Variants in LAMA3 observed in about 807,000 individuals in gnomAD.
LAMA3 encodes laminin subunit alpha-3.
A neutral mutation model predicts 402.0 loss-of-function variants in LAMA3; 281 were observed. The ratio of observed to expected loss-of-function variants is 0.70; its 90% confidence interval spans 0.63 to 0.77. The LOEUF is 0.77. Among genes scored for constraint, LAMA3 ranks in the 30% least tolerant of loss-of-function variants. The probability of loss-of-function intolerance (pLI) is 0.00; values close to 1 mark genes in which losing one functional copy is unlikely to be tolerated. For missense variants in LAMA3, 3,840 were observed against 4,215.5 expected (o/e 0.91, Z 2.47); for synonymous variants, 1,431 against 1,558.4 (o/e 0.92, Z 1.93).
intron 35 of LAMA3, 115 bp downstream of exon 35, chr18:23,861,922 C>G: frequency 8.4e-7 from 1 of 1,187,146 alleles, no homozygotes; most frequent in Non-Finnish European, 1.2e-6. Context: ...TACTAACGTT[C>G]CAGAAATGAG....
intron 23 of LAMA3, among the ~76,000 whole-genome samples, chr18:23,829,649 AG>A (rs2063455705): frequency 6.6e-6 from 1 of 152,208 alleles, no homozygotes. Flanking sequence ...TTATATATTT[AG>A]GGGTACAAGT....
At chr18:23,871,697 G>A (rs1431606968) in intron 38 of LAMA3, 36 bp downstream of exon 38, 3 of 1,536,182 alleles carry the variant, frequency 2.0e-6, no homozygotes, top group Non-Finnish European at 2.7e-6. Flanking sequence ...TTTCCCTAGG[G>A]AGCTCCTGTG....
At chr18:23,817,233 A>G (rs1401392086) in intron 18 of LAMA3, among the ~76,000 whole-genome samples, 1 of 152,216 alleles carries the variant, frequency 6.6e-6, no homozygotes, top group Admixed American at 6.5e-5. Flanking sequence ...CTCTTAAGCC[A>G]TTATATTTTA....
chr18:23,828,444 TCTAATA>T (rs1179892792), intron 23 of LAMA3, among the ~76,000 whole-genome samples: 3 of 152,216 alleles, frequency 2.0e-5, no homozygotes, highest in African/African-American at 7.2e-5. Context: ...TCTACTTCAT[TCTAATA>T]CTAAGTTTGC....
chr18:23,767,139 C>T (rs1365659403), intron 8 of LAMA3, among the ~76,000 whole-genome samples: 1 of 151,972 alleles, frequency 6.6e-6, no homozygotes, highest in Non-Finnish European at 1.5e-5. Context: ...AAAAAAAGCC[C>T]AAATCTAGGA....
chr18:23,831,438 G>A (rs907100218), intron 23 of LAMA3, among the ~76,000 whole-genome samples: 6 of 151,866 alleles, frequency 4.0e-5, no homozygotes, highest in African/African-American at 1.5e-4. Flanking sequence ...ACTGCAAGCC[G>A]TTCCCTCTAC....
At chr18:23,872,362 G>C (rs2064551462) in intron 38 of LAMA3, among the ~76,000 whole-genome samples, 1 of 152,178 alleles carries the variant, frequency 6.6e-6, no homozygotes, top group Non-Finnish European at 1.5e-5. Context: ...GCCATAAAAT[G>C]AAACTGTTTA....
In LAMA3 at chr18:23,907,896, G is replaced by C. The variant is rs148831718; in HGVS notation, c.6976G>C (p.Glu2326Gln). The change falls in exon 54 of 75, where the codon GAA (glutamate) becomes CAA (glutamine). Residue 2326 changes from glutamate (E) to glutamine (Q), a missense_variant. Glu to Gln is a conservative substitution (Grantham distance 29). Around this residue, in one of 3 missense-constraint regions of LAMA3, gnomAD observed 891 missense variants for 857.5 expected, o/e 1.04. Coordinates refer to ENST00000313654, the MANE Select transcript of LAMA3 (RefSeq NM_198129.4). ...GGACACCTATGGGAGGACACAGAAC[G>C]AAGACTTCAAAAAGGCTCTGACTGA... ...IKDTYGRTQN[E>Q]DFKKALTDAD... 1.2e-6 allele frequency: 2 copies of C among 1,613,988 alleles called. No individual in the cohort carries two copies. Among genetic ancestry groups the C allele is most frequent in the Admixed American group, 1.7e-5 (1 of 60,022 alleles).
intron 32 of LAMA3, 57 bp downstream of exon 32, chr18:23,847,725 C>A: frequency 3.9e-6 from 6 of 1,522,716 alleles, no homozygotes; most frequent in Non-Finnish European, 5.4e-6. Flanking sequence ...GTGCCATCTG[C>A]CCACACACTG....
chr18:23,843,086 C>T (rs1172835342), intron 29 of LAMA3, among the ~76,000 whole-genome samples: 3 of 152,278 alleles, frequency 2.0e-5, no homozygotes, highest in East Asian at 3.9e-4. Context: ...CTTTCTCTAG[C>T]GCTCCTTGGG....
At chr18:23,889,702 GAGGA>G (rs1395922446) in intron 41 of LAMA3, among the ~76,000 whole-genome samples, 17 of 35,900 alleles carry the variant, frequency 4.7e-4, no homozygotes, top group South Asian at 2.1e-3. Context: ...GGAAGGGAGG[GAGGA>G]AGGGAGGAAG....
rs564666757 is a variant in LAMA3 at position 23,879,846 on chromosome 18, T to C, written c.5113-2090T>C. ...TTCCTTGATCCTCTCCTCTCACCCCTGTGAAGGACCAGTACTCAGAGTGAT... is the reference window on the plus strand; with the variant it reads ...TTCCTTGATCCTCTCCTCTCACCCCCGTGAAGGACCAGTACTCAGAGTGAT... On this transcript the variant is annotated intron_variant, in intron 39 of 74. Coordinates refer to ENST00000313654, the MANE Select transcript of LAMA3 (RefSeq NM_198129.4). This position sits in a 1 kb window ranked among gnomAD's most constrained non-coding sequence, Gnocchi z 4.2. Among the ~76,000 whole-genome samples the C allele has an allele frequency of 1.1e-3, 173 of 152,322 alleles. 1 individual carries two copies. Among genetic ancestry groups the C allele is most frequent in the Non-Finnish European group, 2.1e-3 (142 of 68,022 alleles).
chr18:23,905,680 G>C (rs183914294), intron 52 of LAMA3, 56 bp downstream of exon 52: 1 of 961,152 alleles, frequency 1.0e-6, no homozygotes, highest in East Asian at 2.4e-5. Context: ...ATGACCTCTG[G>C]GACCAGGTGG....
rs748629605 is a variant in LAMA3, at chr18:23,777,614, T to C, written c.1463T>C (p.Ile488Thr). The C allele has an allele frequency of 2.5e-6, 4 of 1,609,368 alleles. No homozygotes were observed. Among genetic ancestry groups the C allele is most frequent in the Non-Finnish European group, 3.4e-6 (4 of 1,175,634 alleles). The change falls in exon 11 of 75, where the codon ATA becomes ACA. Residue 488 changes from isoleucine (I) to threonine (T), a missense_variant. Physicochemically the swap from Ile to Thr is moderately conservative, Grantham distance 89. Coordinates refer to ENST00000313654, the MANE Select transcript of LAMA3 (RefSeq NM_198129.4). ...PSSEDPVAGD[I>T]KGCDCNLEGV... ...TCAGAAGATCCAGTAGCTGGAGATA[T>C]AAAAGGCAAGTAACCTCCCTTTTGG...
At chr18:23,838,121 A>G (rs1186216997) in intron 25 of LAMA3, among the ~76,000 whole-genome samples, 3 of 152,128 alleles carry the variant, frequency 2.0e-5, no homozygotes, top group Non-Finnish European at 4.4e-5. Flanking sequence ...GGTGTTGTCC[A>G]TCTTGGACTT....
At chr18:23,933,974 T>C in intron 67 of LAMA3, 39 bp downstream of exon 67, 2 of 1,601,802 alleles carry the variant, frequency 1.2e-6, no homozygotes, top group South Asian at 1.1e-5. Flanking sequence ...CCCTCTTCCC[T>C]GGAGGATTCC....
chr18:23,883,973 T>C (rs1334538204), intron 40 of LAMA3, among the ~76,000 whole-genome samples: 7 of 152,032 alleles, frequency 4.6e-5, no homozygotes, highest in Non-Finnish European at 1.0e-4. Context: ...TACCAGCAAA[T>C]GGAGTGATAT....
Position 23,851,779 on chromosome 18 carries a change from A to G in LAMA3, c.4136+4111A>G, listed in dbSNP as rs903824395. On this transcript the variant is annotated intron_variant, in intron 32 of 74. Coordinates refer to ENST00000313654, the MANE Select transcript of LAMA3 (RefSeq NM_198129.4). Reference sequence around the variant, plus strand: ...AAATCGACTCAACCTGGGTTCTCTTATTGACTTTACACAGGTAGCCTTGGA... The same window carrying G: ...AAATCGACTCAACCTGGGTTCTCTTGTTGACTTTACACAGGTAGCCTTGGA... Among the ~76,000 whole-genome samples the G allele has an allele frequency of 3.2e-4, 48 of 152,138 alleles. 1 individual carries two copies.
chr18:23,954,798 C>A lies in LAMA3; in HGVS notation c.*150C>A. 3 of 799,938 alleles carry A rather than the reference C, an allele frequency of 3.8e-6. No individual in the cohort carries two copies. Among genetic ancestry groups the A allele is most frequent in the South Asian group, 1.4e-5 (1 of 69,362 alleles). The allele number at this position is 799,938 out of a possible 1,614,324, so 49.6% of individuals were successfully genotyped here. On this transcript the variant is annotated 3_prime_UTR_variant, in exon 75 of 75. Transcript: ENST00000313654. ...TAATTTTGAATTCTGACCATGGATA[C>A]CCATCACTTTGGCATTCAGTGCTAC... is the stretch of plus-strand genomic sequence containing the variant.
Sources: gnomAD v4.1 joint callset for allele counts (sites outside exome capture counted in the v4.1 genomes callset) on GRCh38, gnomAD v4.1.1 for gene constraint, gnomAD v4.1.1 regional missense constraint, Gnocchi (gnomAD v3.1) non-coding constraint, MANE v1.5 for transcripts, NCBI Gene and HGNC (gene_info 2026-07-23, HGNC 2026-07-21) for gene names.